Variants in LRRC37A2 observed in about 807,000 individuals in gnomAD.
The protein encoded by LRRC37A2 is leucine-rich repeat-containing protein 37A2.
Under a neutral mutation model 68.8 loss-of-function variants are expected in LRRC37A2, and 9 were observed. The ratio of observed to expected loss-of-function variants is 0.13; its 90% CI spans 0.08 to 0.23. The LOEUF (loss-of-function observed/expected upper bound fraction) is 0.23, where lower values mean the gene tolerates loss of function less well. LRRC37A2 is among the 10% of genes least tolerant of loss of function. The probability of loss-of-function intolerance (pLI) is 1.00; values close to 1 mark genes in which losing one functional copy is unlikely to be tolerated. For synonymous variants in LRRC37A2, 63 were observed against 367.6 expected (o/e 0.17, Z 9.48); for missense variants, 168 against 950.4 (o/e 0.18, Z 10.82).
At chr17:46,992,431 G>T in the LRRC37A2 span, among the ~76,000 whole-genome samples, 22 of 152,096 alleles carry the variant, frequency 1.4e-4, no homozygotes, top group African/African-American at 5.3e-4. Context: ...ACTATCTGGG[G>T]GGTTTTTAAA....
chr17:46,740,054 G>T, the LRRC37A2 span, among the ~76,000 whole-genome samples: 1 of 152,162 alleles, frequency 6.6e-6, no homozygotes, highest in East Asian at 1.9e-4. Flanking sequence ...TGGGCACTGT[G>T]TCTAGTGGGT....
chr17:46,859,339 G>T, the LRRC37A2 span, among the ~76,000 whole-genome samples: 1 of 152,328 alleles, frequency 6.6e-6, no homozygotes, highest in African/African-American at 2.4e-5. Flanking sequence ...ACAGCATGGA[G>T]TAAGGGGCAA....
the LRRC37A2 span, among the ~76,000 whole-genome samples, chr17:46,997,553 C>T: frequency 6.6e-6 from 1 of 152,106 alleles, no homozygotes; most frequent in Admixed American, 6.5e-5. Flanking sequence ...CCTCTAGATC[C>T]AACTATCCAC....
At chr17:46,842,006 G>T in the LRRC37A2 span, among the ~76,000 whole-genome samples, 2 of 152,200 alleles carry the variant, frequency 1.3e-5, no homozygotes, top group Non-Finnish European at 2.9e-5. Flanking sequence ...TCCTGCAGAA[G>T]GCTGGCCGCG....
the LRRC37A2 span, chr17:47,018,630 T>A: frequency 2.6e-6 from 4 of 1,519,988 alleles, no homozygotes; most frequent in South Asian, 3.4e-5. Flanking sequence ...GGAGACTTCA[T>A]TTCAGTCTCC....
the LRRC37A2 span, among the ~76,000 whole-genome samples, chr17:46,827,481 C>T: frequency 2.7e-4 from 41 of 152,220 alleles, no homozygotes; most frequent in Admixed American, 5.9e-4. Flanking sequence ...TGAAGCTGAC[C>T]GGCAGAGGAA....
the LRRC37A2 span, chr17:46,936,747 A>G: frequency 1.0e-6 from 1 of 984,036 alleles, no homozygotes; most frequent in Non-Finnish European, 1.2e-6. Flanking sequence ...GCAGGACTTT[A>G]GCAAGAGTCT....
At chr17:46,744,352 G>T in the LRRC37A2 span, among the ~76,000 whole-genome samples, 1 of 152,162 alleles carries the variant, frequency 6.6e-6, no homozygotes, top group Non-Finnish European at 1.5e-5. Flanking sequence ...AAAAACATCA[G>T]ATTCTACTAA....
the LRRC37A2 span, among the ~76,000 whole-genome samples, chr17:46,943,118 C>G: frequency 2.0e-5 from 3 of 152,200 alleles, no homozygotes; most frequent in Non-Finnish European, 4.4e-5. Context: ...GCCGATGGCT[C>G]TAATACAAGA....
chr17:46,504,731 CT>C, the LRRC37A2 span: 1 of 44,270 alleles, frequency 2.3e-5, no homozygotes, highest in African/African-American at 1.6e-4. Context: ...CATATCAAGC[CT>C]TTCCCTCTCT....
At chr17:46,895,297 C>T in the LRRC37A2 span, among the ~76,000 whole-genome samples, 1 of 152,236 alleles carries the variant, frequency 6.6e-6, no homozygotes, top group Non-Finnish European at 1.5e-5. Flanking sequence ...TACATGGAGC[C>T]TTATGAAGTG....
chr17:46,947,837 C>G, the LRRC37A2 span, among the ~76,000 whole-genome samples: 1 of 152,172 alleles, frequency 6.6e-6, no homozygotes, highest in South Asian at 2.1e-4. Context: ...GGCACAATCT[C>G]GGCTCACCGT....
At chr17:46,993,859 C>T in the LRRC37A2 span, among the ~76,000 whole-genome samples, 11 of 151,702 alleles carry the variant, frequency 7.3e-5, no homozygotes, top group African/African-American at 2.4e-4. Flanking sequence ...TGAGAGTGTT[C>T]CCATTTCCCA....
the LRRC37A2 span, chr17:46,818,558 G>T: frequency 6.2e-7 from 1 of 1,609,062 alleles, no homozygotes. Flanking sequence ...GTGCCACCGA[G>T]CAGGAGGCCG....
At chr17:46,838,604 G>A in the LRRC37A2 span, among the ~76,000 whole-genome samples, 1 of 152,082 alleles carries the variant, frequency 6.6e-6, no homozygotes, top group African/African-American at 2.4e-5. Context: ...TCCAGCCTGG[G>A]CGACAGAGCG....
the LRRC37A2 span, among the ~76,000 whole-genome samples, chr17:46,812,696 C>T: frequency 2.0e-5 from 3 of 152,236 alleles, no homozygotes; most frequent in East Asian, 5.8e-4. Flanking sequence ...AGCTAAAGCA[C>T]TGTGGGGCAA....
the LRRC37A2 span, among the ~76,000 whole-genome samples, chr17:46,976,652 C>T: frequency 6.6e-6 from 1 of 152,156 alleles, no homozygotes; most frequent in Non-Finnish European, 1.5e-5. Flanking sequence ...GGAGAGTTCT[C>T]GCAGTGTTCG....
chr17:46,638,557 A>G, the LRRC37A2 span, among the ~76,000 whole-genome samples: 6 of 81,110 alleles, frequency 7.4e-5, no homozygotes, highest in African/African-American at 3.8e-4. Flanking sequence ...TTGTACTTTT[A>G]GTAGAGATGG....
the LRRC37A2 span, among the ~76,000 whole-genome samples, chr17:46,929,110 A>G: frequency 1.3e-5 from 2 of 152,168 alleles, no homozygotes; most frequent in Non-Finnish European, 2.9e-5. Flanking sequence ...TTCCTGGTAC[A>G]GGCCAGTGCT....
Sources: gnomAD v4.1 joint callset for allele counts (sites outside exome capture counted in the v4.1 genomes callset) on GRCh38, gnomAD v4.1.1 for gene constraint, MANE v1.5 for transcripts, NCBI Gene and HGNC (gene_info 2026-07-23, HGNC 2026-07-21) for gene names.